CD93: variants seen among roughly 807,000 people sequenced by gnomAD.
The protein encoded by CD93 is complement component C1q receptor.
In CD93, 44 loss-of-function variants were observed where a neutral mutation model predicts 45.5. The observed-to-expected ratio is 0.97, with a 90% confidence interval of 0.76 to 1.24. CD93 has a LOEUF of 1.24. Among genes scored for constraint, CD93 ranks in the 50% most tolerant of loss-of-function variants. The pLI is 0.00. For missense variants in CD93, 918 were observed against 844.5 expected (o/e 1.09, Z -1.08); for synonymous variants, 431 against 370.8 (o/e 1.16, Z -1.87).
Position 23,084,513 on chromosome 20 carries a change from C to T in CD93, c.1680G>A (p.Glu560=), listed in dbSNP as rs368612830. The T allele has an allele frequency of 1.9e-6, 3 of 1,613,970 alleles. No homozygotes were observed. Among genetic ancestry groups the T allele is most frequent in the Non-Finnish European group, 2.5e-6 (3 of 1,180,056 alleles). Residue 560 remains glutamate (E), a synonymous_variant, in exon 1 of 2, where the codon GAG becomes GAA. Coordinates refer to ENST00000246006, the MANE Select transcript of CD93 (RefSeq NM_012072.4). ...CCACGGAGGAGTCCCCACCTGCAGG[C>T]TCCTGGGGGCCAGAGGCAGCTGTGG... ...HHATAASGPQ[E]PAGGDSSVAT... is the part of the protein sequence containing the mutation.
At position 23,080,390 on chromosome 20, in the gene CD93, G is replaced by A. The variant is rs1568675300; in HGVS notation, c.*3560C>T. 1.3e-5 allele frequency: 2 copies of A among 152,548 alleles called. No homozygotes were observed. Among genetic ancestry groups the A allele is most frequent in the Non-Finnish European group, 2.9e-5 (2 of 68,048 alleles). 9.4% of individuals were successfully genotyped at this position (152,548 alleles called of 1,614,324 possible). On this transcript the variant is annotated 3_prime_UTR_variant, in exon 2 of 2. Transcript: ENST00000246006. ...GGATAAGACACTCAAACAAGGGCTT[G>A]TGATGAGGATGGAAAAGACAAAGCA...
At position 23,085,337 on chromosome 20, in the gene CD93, C is replaced by T. The variant is rs771395880; in HGVS notation, c.856G>A (p.Gly286Ser). Residue 286 changes from glycine to serine, a missense_variant, in exon 1 of 2, where the codon GGC becomes AGC. Transcript: ENST00000246006. ...FEGGDGSFLC[G>S]CRPGFRLLDD... ...AGCAGCCGGAATCCTGGTCGGCAGC[C>T]GCAGAGGAAGGAGCCATCCCCCCCT... 4.3e-6 allele frequency: 7 copies of T among 1,613,926 alleles called. No homozygotes were observed. The highest frequency in any genetic ancestry group is 3.3e-5 in the Admixed American group (2 of 60,012).
chr20:23,085,053 C>G lies in CD93; in HGVS notation c.1140G>C (p.Glu380Asp), dbSNP rs541179008. Residue 380 changes from glutamate to aspartate, a missense_variant, in exon 1 of 2, where the codon GAG becomes GAC. Physicochemically the swap from Glu to Asp is conservative, Grantham distance 45. Coordinates refer to ENST00000246006, the MANE Select transcript of CD93 (RefSeq NM_012072.4). ...ACTCATCCACATCCTGACAGGCCCCCTCTCCAGGACCGCCCGGCTCATAGC... is the reference window on the plus strand; with the variant it reads ...ACTCATCCACATCCTGACAGGCCCCGTCTCCAGGACCGCCCGGCTCATAGC... ...WVGYEPGGPG[E>D]GACQDVDECA... The G allele has an allele frequency of 6.2e-7, 1 of 1,613,690 alleles. No individual in the cohort carries two copies. Among genetic ancestry groups the G allele is most frequent in the South Asian group, 1.1e-5 (1 of 91,030 alleles).
In CD93 at chr20:23,081,331, G is replaced by A. The variant is rs1209561471; in HGVS notation, c.*2619C>T. The A allele has an allele frequency of 6.6e-6, 1 of 152,268 alleles. No homozygotes were observed. Among genetic ancestry groups the A allele is most frequent in the African/African-American group, 2.4e-5 (1 of 41,458 alleles). The allele number at this position is 152,268 out of a possible 1,614,324, so 9.4% of individuals were successfully genotyped here. ...TCCCCACTGTGCCACGCCCGAGCAA[G>A]CTGGGGCCCCTCAGGACAAGGACGA... On this transcript the variant is annotated 3_prime_UTR_variant, in exon 2 of 2. Transcript: ENST00000246006.
rs6048539 is a variant in CD93 at position 23,085,701 on chromosome 20, G to C, written c.492C>G (p.Pro164=). The C allele has an allele frequency of 0.095, 152,666 of 1,611,094 alleles. 7,853 individuals are homozygous for C. Among genetic ancestry groups the C allele is most frequent in the African/African-American group, 0.15 (10,913 of 74,992 alleles). ...TTCCGGGGGAGCCTGGGCTCCCACA[G>C]GGGCCCTCAGACCACTTGGGGAGGC... ...PSRLPKWSEG[P]CGSPGSPGSN... Residue 164 remains proline, a synonymous_variant, in exon 1 of 2, where the codon CCC becomes CCG. Transcript: ENST00000246006.
In CD93 at chr20:23,085,253, C is replaced by T. The variant is rs1182217461; in HGVS notation, c.940G>A (p.Gly314Arg). The T allele has an allele frequency of 3.1e-6, 5 of 1,613,022 alleles. No individual in the cohort carries two copies. In the South Asian group the frequency reaches 4.4e-5, roughly 14 times the overall value. The change falls in exon 1 of 2, where the codon GGG becomes AGG. Residue 314 changes from glycine (G) to arginine (R), a missense_variant. Coordinates refer to ENST00000246006, the MANE Select transcript of CD93 (RefSeq NM_012072.4). ...TGGGGTCCCAGGACGCACGTGGCCCCCCCACGACATGGGCTGGAGCTGCAA... is the reference window on the plus strand; with the variant it reads ...TGGGGTCCCAGGACGCACGTGGCCCTCCCACGACATGGGCTGGAGCTGCAA... The part of the protein sequence containing the change: ...NPCSSSPCRG[G>R]ATCVLGPHGK...
At position 23,085,241 on chromosome 20, in the gene CD93, C is replaced by G; in HGVS notation, c.952G>C (p.Val318Leu). Reference sequence around the variant, plus strand: ...TAGTTTTTCCCATGGGGTCCCAGGACGCACGTGGCCCCCCCACGACATGGG... The same window carrying G: ...TAGTTTTTCCCATGGGGTCCCAGGAGGCACGTGGCCCCCCCACGACATGGG... ...SSPCRGGATC[V>L]LGPHGKNYTC... Residue 318 changes from valine (V) to leucine (L), a missense_variant, in exon 1 of 2, where the codon GTC (valine) becomes CTC (leucine). By Grantham distance (32) the Val-to-Leu change is conservative. Transcript: ENST00000246006. 1 of 1,611,282 alleles carries G rather than the reference C, an allele frequency of 6.2e-7. No individual in the cohort carries two copies. The highest frequency in any genetic ancestry group is 1.3e-5 in the African/African-American group (1 of 75,040).
chr20:23,083,769 A>C lies in CD93; in HGVS notation c.*181T>G. On this transcript the variant is annotated 3_prime_UTR_variant, in exon 2 of 2. Transcript: ENST00000246006. Reference sequence around the variant, plus strand: ...AACACACAGCTTCCACTTCAGGAACATCAAACACCCGTAGAAAATACCTGC... The same window carrying C: ...AACACACAGCTTCCACTTCAGGAACCTCAAACACCCGTAGAAAATACCTGC... 1.5e-6 allele frequency: 1 copy of C among 648,004 alleles called. No individual in the cohort carries two copies. Among genetic ancestry groups the C allele is most frequent in the Non-Finnish European group, 2.8e-6 (1 of 354,352 alleles). 40.1% of individuals were successfully genotyped at this position (648,004 alleles called of 1,614,324 possible).
Position 23,085,212 on chromosome 20 carries a change from C to G in CD93, c.981G>C (p.Thr327=). ...GCTGGTACCCTTGGGGGCAGCGGCA[C>G]GTGTAGTTTTTCCCATGGGGTCCCA... is the stretch of plus-strand genomic sequence containing the variant. ...CVLGPHGKNY[T]CRCPQGYQLD... The change falls in exon 1 of 2, where the codon ACG becomes ACC. Residue 327 remains threonine, a synonymous_variant. Transcript: ENST00000246006. 2 of 1,602,480 alleles carry G rather than the reference C, an allele frequency of 1.2e-6. No individual in the cohort carries two copies. Among genetic ancestry groups the G allele is most frequent in the Non-Finnish European group, 1.7e-6 (2 of 1,173,962 alleles).
Position 23,085,831 on chromosome 20 carries a change from T to TAC in CD93, c.361_362insGT (p.Glu121GlyfsTer80). The TAC allele has an allele frequency of 5.4e-6, 8 of 1,491,082 alleles. No homozygotes were observed. The highest frequency in any genetic ancestry group is 2.6e-5 in the South Asian group (2 of 75,910). The allele number at this position is 1,491,082 out of a possible 1,614,324, so 92.4% of individuals were successfully genotyped here. A position where few individuals can be genotyped will look rare whatever the true frequency, so the allele number is the denominator to read the frequency against. ...GTGCCAGTTAGAGTAAGGCGTGTCC[T>TAC]CCCCCCCGCCCACCCAGCTGAAGCC... On this transcript the variant is annotated frameshift_variant, in exon 1 of 2. Transcript: ENST00000246006. LOFTEE classifies it high-confidence loss of function.
At position 23,081,773 on chromosome 20, in the gene CD93, C is replaced by T. The variant is rs1985328969; in HGVS notation, c.*2177G>A. 1 of 152,254 alleles carries T rather than the reference C, an allele frequency of 6.6e-6. No homozygotes were observed. The highest frequency in any genetic ancestry group is 2.1e-4 in the South Asian group (1 of 4,832). 9.4% of individuals were successfully genotyped at this position (152,254 alleles called of 1,614,324 possible). On this transcript the variant is annotated 3_prime_UTR_variant, in exon 2 of 2. Coordinates refer to ENST00000246006, the MANE Select transcript of CD93 (RefSeq NM_012072.4). ...TCAGAACACTGTGAAAATAGGAGGG[C>T]TCGTTGGATCCCAGGAATCATACAC...
In CD93 at chr20:23,080,452, C is replaced by T. The variant is rs1322154828; in HGVS notation, c.*3498G>A. ...AAAAAAAATTCTTTTAAACTCAGTT[C>T]ATCCTGCAAAATGGACATAACACAT... On this transcript the variant is annotated 3_prime_UTR_variant, in exon 2 of 2. Coordinates refer to ENST00000246006, the MANE Select transcript of CD93 (RefSeq NM_012072.4). 1 of 152,268 alleles carries T rather than the reference C, an allele frequency of 6.6e-6. No individual in the cohort carries two copies. The highest frequency in any genetic ancestry group is 1.5e-5 in the Non-Finnish European group (1 of 68,038). The allele number at this position is 152,268 out of a possible 1,614,324, so 9.4% of individuals were successfully genotyped here.
chr20:23,084,544 T>G lies in CD93; in HGVS notation c.1649A>C (p.His550Pro). The G allele has an allele frequency of 6.2e-7, 1 of 1,612,678 alleles. No individual in the cohort carries two copies. Among genetic ancestry groups the G allele is most frequent in the Non-Finnish European group, 8.5e-7 (1 of 1,179,116 alleles). ...SPGVWREPSIHHATAASGPQE... is the reference protein window; with the variant it reads ...SPGVWREPSIPHATAASGPQE... ...GGGGCCAGAGGCAGCTGTGGCGTGA[T>G]GGATGCTGGGCTCCCTCCAGACGCC... is the stretch of plus-strand genomic sequence containing the variant. The change falls in exon 1 of 2, where the codon CAT (histidine) becomes CCT (proline). Residue 550 changes from histidine (H) to proline (P), a missense_variant. His to Pro is a moderately conservative substitution (Grantham distance 77, BLOSUM62 -2). Coordinates refer to ENST00000246006, the MANE Select transcript of CD93 (RefSeq NM_012072.4).
Position 23,085,110 on chromosome 20 carries a change from G to A in CD93, c.1083C>T (p.Thr361=), listed in dbSNP as rs150829026. 3.8e-6 allele frequency: 6 copies of A among 1,599,336 alleles called. No individual in the cohort carries two copies. Among genetic ancestry groups the A allele is most frequent in the Non-Finnish European group, 5.1e-6 (6 of 1,171,740 alleles). Residue 361 remains threonine (T), a synonymous_variant, in exon 1 of 2, where the codon ACC becomes ACT. Transcript: ENST00000246006. ...DSPCAQECVN[T]PGGFRCECWV... ...AGCATTCGCAGCGGAAGCCCCCAGG[G>A]GTGTTGACACACTCCTGGGCACAGG...
At position 23,084,377 on chromosome 20, in the gene CD93, A is replaced by C. The variant is rs1226314202; in HGVS notation, c.1816T>G (p.Tyr606Asp). ...TCCCTCTTCGCTCTCCGCTTGCGATAGACCAGTAGCCCCAGAGCCAGGGCC... is the reference window on the plus strand; with the variant it reads ...TCCCTCTTCGCTCTCCGCTTGCGATCGACCAGTAGCCCCAGAGCCAGGGCC... The part of the protein sequence containing the change: ...LLALALGLLV[Y>D]RKRRAKREEK... The change falls in exon 1 of 2, where the codon TAT becomes GAT. Residue 606 changes from tyrosine (Y) to aspartate (D), a missense_variant. Coordinates refer to ENST00000246006, the MANE Select transcript of CD93 (RefSeq NM_012072.4). The C allele has an allele frequency of 1.2e-6, 2 of 1,614,232 alleles. No individual in the cohort carries two copies. The highest frequency in any genetic ancestry group is 1.7e-6 in the Non-Finnish European group (2 of 1,180,042).
chr20:23,084,317 C>G lies in CD93; in HGVS notation c.1876G>C (p.Asp626His). 6.2e-7 allele frequency: 1 copy of G among 1,614,218 alleles called. No homozygotes were observed. The highest frequency in any genetic ancestry group is 8.5e-7 in the Non-Finnish European group (1 of 1,180,046). The change falls in exon 1 of 2, where the codon GAC becomes CAC. Residue 626 changes from aspartate to histidine, a missense_variant. Physicochemically the swap from Asp to His is moderately conservative, Grantham distance 81. Coordinates refer to ENST00000246006, the MANE Select transcript of CD93 (RefSeq NM_012072.4). ...KKEKKPQNAA[D>H]SYSWVPERAE... Reference sequence around the variant, plus strand: ...CGCTCTGGAACCCAGGAGTAACTGTCTGCCGCATTCTGGGGCTTCTTCTCC... The same window carrying G: ...CGCTCTGGAACCCAGGAGTAACTGTGTGCCGCATTCTGGGGCTTCTTCTCC...
intron 1 of CD93, 33 bp from the exon 2 acceptor site, chr20:23,084,007 C>CATGGCG (rs1419931960): frequency 3.1e-6 from 5 of 1,613,574 alleles, no homozygotes; most frequent in Non-Finnish European, 4.2e-6. Context: ...CGTTGGAAGC[C>CATGGCG]ATGGCGCCTC....
chr20:23,083,691 G>C lies in CD93; in HGVS notation c.*259C>G, dbSNP rs1301595392. On this transcript the variant is annotated 3_prime_UTR_variant, in exon 2 of 2. Coordinates refer to ENST00000246006, the MANE Select transcript of CD93 (RefSeq NM_012072.4). ...ATTGGTCACATTGGAATTTGAAAAG[G>C]GAGGGGGAGTAACAATCATTATAGA... 1.8e-6 allele frequency: 1 copy of C among 557,536 alleles called. No individual in the cohort carries two copies. Among genetic ancestry groups the C allele is most frequent in the African/African-American group, 1.9e-5 (1 of 53,006 alleles). 34.5% of individuals were successfully genotyped at this position (557,536 alleles called of 1,614,324 possible).
At position 23,083,676 on chromosome 20, in the gene CD93, T is replaced by C. The variant is rs1210619350; in HGVS notation, c.*274A>G. 13 of 527,854 alleles carry C rather than the reference T, an allele frequency of 2.5e-5. No individual in the cohort carries two copies. The highest frequency in any genetic ancestry group is 2.2e-5 in the South Asian group (1 of 45,290). The allele number at this position is 527,854 out of a possible 1,614,324, so 32.7% of individuals were successfully genotyped here. A position where few individuals can be genotyped will look rare whatever the true frequency, so the allele number is the denominator to read the frequency against. ...ACACCCTGATCCGGAATTGGTCACA[T>C]TGGAATTTGAAAAGGGAGGGGGAGT... On this transcript the variant is annotated 3_prime_UTR_variant, in exon 2 of 2. Transcript: ENST00000246006.
Sources: allele counts gnomAD v4.1 joint callset, GRCh38; gene constraint gnomAD v4.1.1; transcripts MANE v1.5; gene names NCBI Gene and HGNC (gene_info 2026-07-23, HGNC 2026-07-21).